The following SMAP1 variants were observed in gnomAD, a reference collection of about 807,000 sequenced individuals.
SMAP1 encodes small ArfGAP 1, also known as stromal membrane-associated protein 1.
In SMAP1, 24 loss-of-function variants were observed where a neutral mutation model predicts 58.5. The observed-to-expected ratio is 0.41, with a 90% CI of 0.30 to 0.58. The LOEUF (loss-of-function observed/expected upper bound fraction) is 0.58. SMAP1 is among the 20% of genes least tolerant of loss of function. The pLI is 0.29. For synonymous variants in SMAP1, 216 were observed against 196.6 expected, an observed-to-expected ratio of 1.10 and a Z score of -0.82; for missense variants, 563 against 566.3, an observed-to-expected ratio of 0.99 and a Z score of 0.06.
Position 70,702,643 on chromosome 6 carries a change from T to TC in SMAP1, c.119-29735_119-29734insC, listed in dbSNP as rs201854333. On this transcript the variant is annotated intron_variant, in intron 1 of 10. Transcript: ENST00000370455. ...TCTTTCTTCTTCTTCTTCTTCTTCT[T>TC]TTTTTTTTTTTGAGGCAGAGTCTAG... is the stretch of plus-strand genomic sequence containing the variant. Among the ~76,000 whole-genome samples, 68 of 147,642 alleles carry TC rather than the reference T, an allele frequency of 4.6e-4. No individual in the cohort carries two copies. The East Asian group carries it at 0.011, about 24-fold the overall frequency.
intron 4 of SMAP1, 23 bp downstream of exon 4, chr6:70,773,448 A>G (rs1767415842): frequency 7.2e-7 from 1 of 1,393,828 alleles, no homozygotes; most frequent in African/African-American, 1.4e-5. Context: ...TTCATCTCTC[A>G]TCAATTGTTT....
At chr6:70,772,388 C>G (rs1767365958) in intron 3 of SMAP1, among the ~76,000 whole-genome samples, 1 of 152,028 alleles carries the variant, frequency 6.6e-6, no homozygotes, top group Non-Finnish European at 1.5e-5. Flanking sequence ...TAGAATGATC[C>G]CCTTAACTTG....
At chr6:70,835,304 G>A (rs1354403549) in intron 6 of SMAP1, among the ~76,000 whole-genome samples, 17 of 150,396 alleles carry the variant, frequency 1.1e-4, no homozygotes. Context: ...TAGGCTAATT[G>A]GTTAAACAAT....
chr6:70,763,925 C>CT (rs1204936247), intron 3 of SMAP1, among the ~76,000 whole-genome samples: 1 of 152,050 alleles, frequency 6.6e-6, no homozygotes, highest in Non-Finnish European at 1.5e-5. Flanking sequence ...TTTGTTTTGT[C>CT]TGTTGTTTTG....
At chr6:70,771,063 G>A (rs186471466) in intron 3 of SMAP1, among the ~76,000 whole-genome samples, 3 of 152,258 alleles carry the variant, frequency 2.0e-5, no homozygotes, top group East Asian at 1.9e-4. Flanking sequence ...ACAGGACAGC[G>A]GATTTTCGTG....
intron 1 of SMAP1, among the ~76,000 whole-genome samples, chr6:70,708,283 C>T (rs9342795): frequency 0.17 from 26,374 of 152,094 alleles, 3,665 homozygotes; most frequent in East Asian, 0.61. Flanking sequence ...CCTGTTGTCT[C>T]AAGTGGTGGG....
chr6:70,757,394 T>C (rs1370119648), intron 3 of SMAP1, among the ~76,000 whole-genome samples: 4 of 151,634 alleles, frequency 2.6e-5, no homozygotes, highest in African/African-American at 9.8e-5. Flanking sequence ...ACTTAAACGT[T>C]AGACCTAAAA....
intron 1 of SMAP1, among the ~76,000 whole-genome samples, chr6:70,700,151 A>G (rs1562100449): frequency 6.6e-6 from 1 of 151,562 alleles, no homozygotes; most frequent in Non-Finnish European, 1.5e-5. Flanking sequence ...AGTGTGTGGC[A>G]CCTCCCTCTG....
chr6:70,678,383 T>C (rs1274531177), intron 1 of SMAP1, among the ~76,000 whole-genome samples: 1 of 152,222 alleles, frequency 6.6e-6, no homozygotes, highest in Non-Finnish European at 1.5e-5. Flanking sequence ...TATCTTCCAT[T>C]ATAGGAAAAA....
rs149436638 is a variant in SMAP1 at position 70,703,509 on chromosome 6, C to T, written c.119-28869C>T. Among the ~76,000 whole-genome samples, 1,513 of 152,216 alleles carry T rather than the reference C, an allele frequency of 9.9e-3. 30 individuals carry two copies. The highest frequency in any genetic ancestry group is 0.034 in the African/African-American group (1,409 of 41,534). ...AATAGCCTGACTTTTTCAGATCTTG[C>T]TTTTAAGCTTTACTAGGTGAGACTA... is the stretch of plus-strand genomic sequence containing the variant. On this transcript the variant is annotated intron_variant, in intron 1 of 10. Transcript: ENST00000370455.
intron 8 of SMAP1, among the ~76,000 whole-genome samples, chr6:70,854,488 G>GGCGTGGTC (rs1771316986): frequency 1.3e-5 from 2 of 152,078 alleles, no homozygotes; most frequent in South Asian, 4.2e-4. Context: ...TGGGCGTGGT[G>GGCGTGGTC]GCGTGCGCCT....
Position 70,751,358 on chromosome 6 carries a change from C to T in SMAP1, c.253-3622C>T, listed in dbSNP as rs542844501. 2.0e-5 allele frequency among the ~76,000 whole-genome samples: 3 copies of T among 152,204 alleles called. No individual in the cohort carries two copies. In the South Asian group the frequency reaches 6.2e-4, roughly 32 times the overall value. Reference sequence around the variant, plus strand: ...TAAACATGAATGTTGAGTTTGTATTCAATAGATTCTTACAATCATTTCTTA... The same window carrying T: ...TAAACATGAATGTTGAGTTTGTATTTAATAGATTCTTACAATCATTTCTTA... On this transcript the variant is annotated intron_variant, in intron 2 of 10. Transcript: ENST00000370455.
At chr6:70,835,824 A>G (rs1360506402) in intron 6 of SMAP1, among the ~76,000 whole-genome samples, 2 of 152,086 alleles carry the variant, frequency 1.3e-5, no homozygotes, top group African/African-American at 4.8e-5. Context: ...TTATTTTCTT[A>G]GTTTATTAGA....
rs745587315 is a variant in SMAP1, at chr6:70,725,093, G to GTTTTTTTT, written c.119-7251_119-7244dup. Among the ~76,000 whole-genome samples, 25 of 47,820 alleles carry GTTTTTTTT rather than the reference G, an allele frequency of 5.2e-4. 6 individuals are homozygous for GTTTTTTTT. Among genetic ancestry groups the GTTTTTTTT allele is most frequent in the Non-Finnish European group, 8.0e-4 (20 of 24,998 alleles). The allele number at this position is 47,820 out of a possible 152,430, so 31.4% of individuals were successfully genotyped here. On this transcript the variant is annotated intron_variant, in intron 1 of 10. Coordinates refer to ENST00000370455, the MANE Select transcript of SMAP1 (RefSeq NM_001044305.3). Reference sequence around the variant, plus strand: ...GACTCCATATCCTAAATTAACCAGTGTTTTTTTTTTTTTTTTTTTTTTTTT... The same window carrying GTTTTTTTT: ...GACTCCATATCCTAAATTAACCAGTGTTTTTTTTTTTTTTTTTTTTTTTTTTTTTTTTT...
rs200344889 is a variant in SMAP1, at chr6:70,860,838, CTGT to C, written c.*509_*511del. The C allele has an allele frequency of 2.5e-5, 10 of 395,650 alleles. No homozygotes were observed. Among genetic ancestry groups the C allele is most frequent in the Non-Finnish European group, 4.0e-5 (9 of 224,188 alleles). The allele number at this position is 395,650 out of a possible 1,614,324, so 24.5% of individuals were successfully genotyped here. A position where few individuals can be genotyped will look rare whatever the true frequency, so the allele number is the denominator to read the frequency against. ...TTATTTCATCATTCACTTCACTGTG[CTGT>C]TGTTATGATGTGCTTAACAGGGAAC... On this transcript the variant is annotated 3_prime_UTR_variant, in exon 11 of 11. Coordinates refer to ENST00000370455, the MANE Select transcript of SMAP1 (RefSeq NM_001044305.3).
intron 7 of SMAP1, among the ~76,000 whole-genome samples, chr6:70,849,726 G>A (rs1164982920): frequency 6.6e-6 from 1 of 152,116 alleles, no homozygotes; most frequent in African/African-American, 2.4e-5. Flanking sequence ...TTTTAAACTT[G>A]TGGTAAAACA....
intron 6 of SMAP1, among the ~76,000 whole-genome samples, chr6:70,814,650 C>T (rs767812231): frequency 3.3e-5 from 5 of 152,080 alleles, no homozygotes; most frequent in Non-Finnish European, 5.9e-5. Context: ...CACACTTAGC[C>T]CTCCTCTTTT....
chr6:70,785,875 A>G (rs1357688995), intron 4 of SMAP1, among the ~76,000 whole-genome samples: 2 of 152,238 alleles, frequency 1.3e-5, no homozygotes, highest in African/African-American at 2.4e-5. Flanking sequence ...CCAGAGGTAC[A>G]AGGAGGAGCT....
intron 7 of SMAP1, among the ~76,000 whole-genome samples, chr6:70,838,833 A>C (rs559274383): frequency 6.6e-5 from 10 of 152,290 alleles, no homozygotes; most frequent in African/African-American, 2.4e-4. Context: ...GAAAAGAAAT[A>C]ATCTGACTTT....
Sources: allele counts gnomAD v4.1 joint callset (sites outside exome capture counted in the v4.1 genomes callset), GRCh38; gene constraint gnomAD v4.1.1; transcripts MANE v1.5; gene names NCBI Gene and HGNC (gene_info 2026-07-23, HGNC 2026-07-21).